The following SMIM35 variants were observed in gnomAD, a reference collection of about 807,000 sequenced individuals.
SMIM35 encodes the protein small integral membrane protein 35, also known as TMPRSS4 antisense RNA 1 (non-protein coding).
intron 1 of SMIM35, among the ~76,000 whole-genome samples, chr11:118,016,033 G>A (rs1249436057): frequency 6.6e-6 from 1 of 152,208 alleles, no homozygotes; most frequent in Non-Finnish European, 1.5e-5. Flanking sequence ...TAATCCAAAG[G>A]AATAGTCCTC....
intron 2 of SMIM35, among the ~76,000 whole-genome samples, chr11:118,015,446 G>A (rs114772459): frequency 0.013 from 1,931 of 152,254 alleles, 33 homozygotes; most frequent in African/African-American, 0.043. Context: ...GGCTCTGAGG[G>A]AGGAGGAAGC....
intron 1 of SMIM35, chr11:118,077,300 A>G (rs142789925): frequency 7.5e-6 from 12 of 1,602,306 alleles, no homozygotes; most frequent in Non-Finnish European, 1.0e-5. Context: ...TCACAGAGCC[A>G]GCATGGTGAG....
chr11:118,043,034 G>A (rs1944031456), intron 1 of SMIM35, among the ~76,000 whole-genome samples: 1 of 152,212 alleles, frequency 6.6e-6, no homozygotes, highest in African/African-American at 2.4e-5. Context: ...GAAACCCACA[G>A]CAATCATGCT....
At chr11:118,055,268 C>T (rs1944291219) in intron 1 of SMIM35, among the ~76,000 whole-genome samples, 1 of 152,104 alleles carries the variant, frequency 6.6e-6, no homozygotes, top group South Asian at 2.1e-4. Context: ...CTGAGTGGAT[C>T]CCTCAAATTC....
At position 118,028,922 on chromosome 11, in the gene SMIM35, GA is replaced by G. The variant is rs762802688; in HGVS notation, c.8-13114del. 7 of 410,066 alleles carry G rather than the reference GA, an allele frequency of 1.7e-5. No homozygotes were observed. The East Asian group carries it at 2.2e-4, about 13-fold the overall frequency. The allele number at this position is 410,066 out of a possible 1,614,324, so 25.4% of individuals were successfully genotyped here. On this transcript the variant is annotated intron_variant, in intron 1 of 4. Transcript: ENST00000689828. The stretch of plus-strand genomic sequence containing the variant: ...AAGGAGGACAGGAGGAGGAGGAGGG[GA>G]AAAATAAGAGGAAGAGGAGGAGGAG...
intron 1 of SMIM35, among the ~76,000 whole-genome samples, chr11:118,061,925 G>T (rs1379784874): frequency 2.6e-5 from 4 of 152,088 alleles, no homozygotes; most frequent in Non-Finnish European, 5.9e-5. Context: ...TACCACATGG[G>T]GCAGAACCCC....
chr11:118,051,771 C>T (rs624931), intron 1 of SMIM35, among the ~76,000 whole-genome samples: 118,267 of 152,106 alleles, frequency 0.78, 46,107 homozygotes, highest in Admixed American at 0.81. Flanking sequence ...TTCACCTCTA[C>T]AGTGACACAT....
rs560846426 is a variant in SMIM35 at position 118,048,262 on chromosome 11, G to A, written c.8-32453C>T. Among the ~76,000 whole-genome samples, 12 of 152,340 alleles carry A rather than the reference G, an allele frequency of 7.9e-5. 1 individual carries two copies. The South Asian group carries it at 2.5e-3, about 32-fold the overall frequency. On this transcript the variant is annotated intron_variant, in intron 1 of 4. Coordinates refer to ENST00000689828, the MANE Select transcript of SMIM35 (RefSeq NM_001394165.1). ...ATTAGGCCGGGCACGGTGGCTCACA[G>A]TTGTAATCCCGCTGAGGCGGTCAGA...
chr11:118,014,322 A>AAGGG (rs2058166146), intron 3 of SMIM35, among the ~76,000 whole-genome samples: 1 of 152,000 alleles, frequency 6.6e-6, no homozygotes, highest in Non-Finnish European at 1.5e-5. Context: ...GGAAGGAAGG[A>AAGGG]AGGGAAGGGA....
At chr11:118,025,581 G>A (rs1360962814) in intron 1 of SMIM35, 1 of 454,366 alleles carries the variant, frequency 2.2e-6, no homozygotes, top group Non-Finnish European at 4.4e-6. Context: ...TTGGCCACTT[G>A]TATGTCTTCT....
At chr11:118,054,653 G>A (rs1434284286) in intron 1 of SMIM35, among the ~76,000 whole-genome samples, 2 of 152,078 alleles carry the variant, frequency 1.3e-5, no homozygotes, top group Non-Finnish European at 2.9e-5. Context: ...GCAAAAATAT[G>A]TATGTTATCA....
intron 1 of SMIM35, among the ~76,000 whole-genome samples, chr11:118,050,679 G>A (rs1944198275): frequency 6.6e-6 from 1 of 152,194 alleles, no homozygotes; most frequent in African/African-American, 2.4e-5. Flanking sequence ...ATAAGTGCCG[G>A]CCGATGCATG....
chr11:118,021,384 A>C lies in SMIM35; in HGVS notation c.8-5575T>G, dbSNP rs192043254. Among the ~76,000 whole-genome samples the C allele has an allele frequency of 2.0e-5, 3 of 152,204 alleles. No homozygotes were observed. In the East Asian group the frequency reaches 5.8e-4, roughly 29 times the overall value. On this transcript the variant is annotated intron_variant, in intron 1 of 4. Coordinates refer to ENST00000689828, the MANE Select transcript of SMIM35 (RefSeq NM_001394165.1). ...TTTCTTCAGCTGTGTCTAATCTGCT[A>C]TTAATCATCCTTAGTGTTTTAATTT... is the stretch of plus-strand genomic sequence containing the variant.
rs953550463 is a variant in SMIM35 at position 118,014,425 on chromosome 11, GATGGATGA to G, written c.158+275_158+282del. Among the ~76,000 whole-genome samples the G allele has an allele frequency of 1.8e-4, 22 of 123,994 alleles. No individual in the cohort carries two copies. In the East Asian group the frequency reaches 3.8e-3, roughly 22 times the overall value. The allele number at this position is 123,994 out of a possible 152,430, so 81.3% of individuals were successfully genotyped here. On this transcript the variant is annotated intron_variant, in intron 3 of 4. Transcript: ENST00000689828. ...GGATGGATGGATGGATGGATGGATG[GATGGATGA>G]ATGGATGGATGGATGGGTGGATGGA...
intron 1 of SMIM35, among the ~76,000 whole-genome samples, chr11:118,064,193 G>A (rs894301713): frequency 4.6e-5 from 7 of 152,226 alleles, no homozygotes; most frequent in Admixed American, 3.3e-4. Context: ...GGTCACAGAA[G>A]TCTATTGCGT....
chr11:118,065,162 CT>C (rs1944452806), intron 1 of SMIM35, among the ~76,000 whole-genome samples: 1 of 152,246 alleles, frequency 6.6e-6, no homozygotes. Flanking sequence ...GCGCCCAAAC[CT>C]GCCCTGCCCC....
At chr11:118,084,137 GCATCTCT>G (rs1392685862) in intron 1 of SMIM35, among the ~76,000 whole-genome samples, 12 of 152,114 alleles carry the variant, frequency 7.9e-5, no homozygotes, top group Non-Finnish European at 1.6e-4. Flanking sequence ...GAGACTTACT[GCATCTCT>G]CTTTCTCTCT....
intron 4 of SMIM35, among the ~76,000 whole-genome samples, chr11:118,010,478 C>A (rs2058144355): frequency 6.6e-6 from 1 of 152,250 alleles, no homozygotes; most frequent in African/African-American, 2.4e-5. Flanking sequence ...CAAGTAGTCA[C>A]TGACCTCCTC....
At chr11:118,069,878 A>G (rs2135138971) in intron 1 of SMIM35, among the ~76,000 whole-genome samples, 2 of 152,222 alleles carry the variant, frequency 1.3e-5, no homozygotes, top group Admixed American at 1.3e-4. Context: ...CCTGGTCAAC[A>G]TGGCAAAACC....
Sources: allele counts gnomAD v4.1 joint callset (sites outside exome capture counted in the v4.1 genomes callset), GRCh38; gene constraint gnomAD v4.1.1; transcripts MANE v1.5; gene names NCBI Gene and HGNC (gene_info 2026-07-23, HGNC 2026-07-21).